The following PTPRD variants were observed in gnomAD, a reference collection of about 807,000 sequenced individuals.
PTPRD encodes the protein receptor-type tyrosine-protein phosphatase delta.
Under a neutral mutation model 214.5 loss-of-function variants are expected in PTPRD, and 34 were observed. That is an observed-to-expected ratio of 0.16 (90% CI 0.12 to 0.21). PTPRD has a LOEUF of 0.21. PTPRD is among the 10% of genes least tolerant of loss of function. The pLI is 1.00. For missense variants in PTPRD, 2,545 were observed against 2,398.7 expected, an observed-to-expected ratio of 1.06 and a Z score of -1.27; for synonymous variants, 1,128 against 845.7, an observed-to-expected ratio of 1.33 and a Z score of -5.79.
At chr9:8,863,072 TA>T (rs1004011975) in intron 11 of PTPRD, among the ~76,000 whole-genome samples, 9 of 139,940 alleles carry the variant, frequency 6.4e-5, no homozygotes, top group East Asian at 4.7e-4. Context: ...ATAATAATAA[TA>T]AAAAAAAGAA....
At chr9:8,824,060 T>C (rs1005676735) in intron 11 of PTPRD, among the ~76,000 whole-genome samples, 1 of 152,248 alleles carries the variant, frequency 6.6e-6, no homozygotes, top group Non-Finnish European at 1.5e-5. Context: ...CAACCAGAGG[T>C]CACTCTTGTC....
intron 3 of PTPRD, among the ~76,000 whole-genome samples, chr9:10,125,612 G>T (rs968085105): frequency 2.2e-5 from 3 of 137,972 alleles, no homozygotes; most frequent in Non-Finnish European, 3.2e-5. Context: ...GCGCTACCAC[G>T]CTCGGCTAAT....
At chr9:8,333,547 G>C (rs1243140919) in intron 43 of PTPRD, among the ~76,000 whole-genome samples, 2 of 152,116 alleles carry the variant, frequency 1.3e-5, no homozygotes, top group African/African-American at 4.8e-5. Flanking sequence ...AAGAGCTCCT[G>C]AAGGAAGCAC....
chr9:8,485,156 A>G (rs991313116), intron 29 of PTPRD, 71 bp downstream of exon 29: 1 of 1,344,504 alleles, frequency 7.4e-7, no homozygotes, highest in South Asian at 1.2e-5. Flanking sequence ...TTGCTGTGCA[A>G]ATAACTTACC....
intron 4 of PTPRD, among the ~76,000 whole-genome samples, chr9:9,983,660 T>C (rs1331067569): frequency 2.0e-5 from 3 of 152,214 alleles, no homozygotes; most frequent in Non-Finnish European, 4.4e-5. Flanking sequence ...TTACACTCTC[T>C]CTACTTCAAT....
At chr9:8,472,715 A>C (rs984744309) in intron 30 of PTPRD, among the ~76,000 whole-genome samples, 8 of 152,224 alleles carry the variant, frequency 5.3e-5, no homozygotes, top group African/African-American at 1.9e-4. Flanking sequence ...TAAATAAAAT[A>C]AATTATTAAA....
intron 5 of PTPRD, among the ~76,000 whole-genome samples, chr9:9,861,268 GTTATT>G (rs917041592): frequency 1.4e-4 from 22 of 152,092 alleles, no homozygotes; most frequent in Admixed American, 2.6e-4. Flanking sequence ...GATTGAAATA[GTTATT>G]TTATTTTATT....
At position 8,475,235 on chromosome 9, in the gene PTPRD, G is replaced by A. The variant is rs944849797; in HGVS notation, c.3414-4150C>T. Among the ~76,000 whole-genome samples, 16 of 152,252 alleles carry A rather than the reference G, an allele frequency of 1.1e-4. 1 individual carries two copies. Among genetic ancestry groups the A allele is most frequent in the Admixed American group, 9.2e-4 (14 of 15,280 alleles). On this transcript the variant is annotated intron_variant, in intron 30 of 45. Transcript: ENST00000381196. ...TCTCCAGGGCATTACATCAAAAGGG[G>A]AGTTTCTGGTACTCTTCTGTCCTTC...
At chr9:9,964,851 A>G (rs191281892) in intron 4 of PTPRD, among the ~76,000 whole-genome samples, 11 of 152,308 alleles carry the variant, frequency 7.2e-5, no homozygotes, top group African/African-American at 2.6e-4. Context: ...TGTTTCAACC[A>G]GGAAGTATAA....
At chr9:10,202,775 C>A (rs149850101) in intron 3 of PTPRD, among the ~76,000 whole-genome samples, 5 of 149,322 alleles carry the variant, frequency 3.3e-5, no homozygotes, top group Non-Finnish European at 7.4e-5. Flanking sequence ...AGTGGCCTAA[C>A]CTAAAACTTA....
At chr9:8,728,300 T>A (rs1006113709) in intron 12 of PTPRD, among the ~76,000 whole-genome samples, 3 of 152,194 alleles carry the variant, frequency 2.0e-5, no homozygotes, top group Admixed American at 1.3e-4. Context: ...TTTTAAAGGA[T>A]ACTTAAATGA....
chr9:8,964,129 G>C (rs2154322273), intron 11 of PTPRD, among the ~76,000 whole-genome samples: 1 of 142,668 alleles, frequency 7.0e-6, no homozygotes. Flanking sequence ...AGTAGAATTG[G>C]TACTAGCTCT....
At chr9:9,490,133 C>T (rs2095837771) in intron 8 of PTPRD, among the ~76,000 whole-genome samples, 1 of 151,926 alleles carries the variant, frequency 6.6e-6, no homozygotes, top group Non-Finnish European at 1.5e-5. Flanking sequence ...AAGCAATTGC[C>T]AAACAAGAAT....
At chr9:9,718,820 G>A (rs2097881534) in intron 7 of PTPRD, among the ~76,000 whole-genome samples, 1 of 152,216 alleles carries the variant, frequency 6.6e-6, no homozygotes, top group Admixed American at 6.5e-5. Context: ...AAGCACAGGA[G>A]GGAGGCTGGG....
rs1599380164 is a variant in PTPRD at position 9,840,220 on chromosome 9, T to C, written c.-367-73369A>G. On this transcript the variant is annotated intron_variant, in intron 5 of 45. Transcript: ENST00000381196. ...GCCCAGCTAATTTTTGCATTTTTTGTAGAGATGGGGTTTTAAACTCCTGGC... is the reference window on the plus strand; with the variant it reads ...GCCCAGCTAATTTTTGCATTTTTTGCAGAGATGGGGTTTTAAACTCCTGGC... Among the ~76,000 whole-genome samples, 4 of 152,018 alleles carry C rather than the reference T, an allele frequency of 2.6e-5. No homozygotes were observed. The South Asian group carries it at 8.3e-4, about 32-fold the overall frequency.
At chr9:10,175,358 T>C (rs2099241421) in intron 3 of PTPRD, among the ~76,000 whole-genome samples, 1 of 152,096 alleles carries the variant, frequency 6.6e-6, no homozygotes, top group African/African-American at 2.4e-5. Flanking sequence ...TAATGAATGA[T>C]AGCTCTTATT....
chr9:8,891,520 G>A (rs1409548472), intron 11 of PTPRD, among the ~76,000 whole-genome samples: 2 of 151,266 alleles, frequency 1.3e-5, no homozygotes, highest in African/African-American at 4.9e-5. Context: ...ATACATTAAA[G>A]AGCCATTTGT....
intron 3 of PTPRD, among the ~76,000 whole-genome samples, chr9:10,299,003 G>C (rs1241061015): frequency 1.3e-5 from 2 of 151,986 alleles, no homozygotes; most frequent in African/African-American, 4.8e-5. Flanking sequence ...CTACCTCACT[G>C]TCACTACATT....
At position 9,378,858 on chromosome 9, in the gene PTPRD, T is replaced by C. The variant is rs184474300; in HGVS notation, c.-203+18591A>G. ...ATCTTTCACCCACTTTTTAATTTTTTCCTATTGTTGATTTTTAAGTTTCTT... is the reference window on the plus strand; with the variant it reads ...ATCTTTCACCCACTTTTTAATTTTTCCCTATTGTTGATTTTTAAGTTTCTT... On this transcript the variant is annotated intron_variant, in intron 9 of 45. Transcript: ENST00000381196. Among the ~76,000 whole-genome samples, 637 of 152,194 alleles carry C rather than the reference T, an allele frequency of 4.2e-3. 3 individuals are homozygous for C. Among genetic ancestry groups the C allele is most frequent in the African/African-American group, 0.015 (604 of 41,558 alleles).
Sources: gnomAD v4.1 joint callset for allele counts (sites outside exome capture counted in the v4.1 genomes callset) on GRCh38, gnomAD v4.1.1 for gene constraint, MANE v1.5 for transcripts, NCBI Gene and HGNC (gene_info 2026-07-23, HGNC 2026-07-21) for gene names.